DISP1: variants seen among roughly 807,000 people sequenced by gnomAD.
DISP1 encodes protein dispatched homolog 1.
In DISP1, 30 loss-of-function variants were observed where a neutral mutation model predicts 37.3. The ratio of observed to expected loss-of-function variants is 0.80; its 90% CI spans 0.60 to 1.09. The LOEUF (loss-of-function observed/expected upper bound fraction) is 1.09, where lower values mean the gene tolerates loss of function less well. Among genes scored for constraint, DISP1 ranks in the 50% least tolerant of loss-of-function variants. The pLI is 0.00. For synonymous variants in DISP1, 634 were observed against 690.2 expected (o/e 0.92, Z 1.28); for missense variants, 1,598 against 1,879.5 (o/e 0.85, Z 2.77).
intron 1 of DISP1, among the ~76,000 whole-genome samples, chr1:222,871,773 G>C (rs1426907103): frequency 4.6e-5 from 7 of 151,290 alleles, no homozygotes; most frequent in African/African-American, 1.5e-4. Context: ...ATTGAATGCC[G>C]TTTATTTCCT....
chr1:222,869,980 CT>C (rs1479436285), intron 1 of DISP1, among the ~76,000 whole-genome samples: 1 of 152,046 alleles, frequency 6.6e-6, no homozygotes, highest in Non-Finnish European at 1.5e-5. Context: ...TGATGTTCCC[CT>C]TCCTGTGTCC....
chr1:222,826,657 G>A lies in DISP1; in HGVS notation c.-159+11579G>A, dbSNP rs201775151. Among the ~76,000 whole-genome samples the A allele has an allele frequency of 2.0e-5, 3 of 152,024 alleles. No homozygotes were observed. In the East Asian group the frequency reaches 5.8e-4, roughly 29 times the overall value. On this transcript the variant is annotated intron_variant, in intron 1 of 8. Transcript: ENST00000675850. Reference sequence around the variant, plus strand: ...CCTGCCTCAGCCTCCCAAAGTCCTGGTATTTATAGACATGAGCCACCAGAC... The same window carrying A: ...CCTGCCTCAGCCTCCCAAAGTCCTGATATTTATAGACATGAGCCACCAGAC...
chr1:222,993,278 G>A (rs1678833834), intron 7 of DISP1, among the ~76,000 whole-genome samples: 1 of 152,186 alleles, frequency 6.6e-6, no homozygotes, highest in African/African-American at 2.4e-5. Flanking sequence ...AGCTGCCAGA[G>A]AAGAAGGAAG....
At chr1:222,861,755 A>C (rs531544124) in intron 1 of DISP1, among the ~76,000 whole-genome samples, 42 of 152,332 alleles carry the variant, frequency 2.8e-4, no homozygotes, top group Non-Finnish European at 4.7e-4. Flanking sequence ...TTAATAAAGC[A>C]AGTTATACTT....
chr1:222,882,387 G>A (rs1670331846), intron 1 of DISP1, among the ~76,000 whole-genome samples: 1 of 152,130 alleles, frequency 6.6e-6, no homozygotes, highest in Non-Finnish European at 1.5e-5. Flanking sequence ...GCACTACAAA[G>A]GAGTGGTTTC....
chr1:222,969,960 C>T (rs1443446937), intron 3 of DISP1, among the ~76,000 whole-genome samples: 1 of 151,292 alleles, frequency 6.6e-6, no homozygotes, highest in Non-Finnish European at 1.5e-5. Flanking sequence ...TTAGAATAGA[C>T]AAAACATTAA....
At chr1:222,939,773 G>A (rs1674241879) in intron 2 of DISP1, among the ~76,000 whole-genome samples, 1 of 150,896 alleles carries the variant, frequency 6.6e-6, no homozygotes, top group Non-Finnish European at 1.5e-5. Flanking sequence ...AGGTTGCAGT[G>A]AGTAAGCCAA....
chr1:222,979,614 T>TTC (rs1677683679), intron 3 of DISP1: 2 of 471,008 alleles, frequency 4.2e-6, no homozygotes. Context: ...GTTTTTGGTC[T>TTC]TTTGTAGATT....
intron 1 of DISP1, among the ~76,000 whole-genome samples, chr1:222,839,022 A>G (rs1264047247): frequency 6.6e-6 from 1 of 152,176 alleles, no homozygotes; most frequent in South Asian, 2.1e-4. Context: ...CTCTGTGTGC[A>G]TGGGTTTCAC....
intron 4 of DISP1, among the ~76,000 whole-genome samples, chr1:222,988,623 T>G (rs1262872121): frequency 6.6e-6 from 1 of 151,670 alleles, no homozygotes; most frequent in Admixed American, 6.6e-5. Flanking sequence ...CTTTCTTTCT[T>G]TTTTCTTCCT....
chr1:222,875,461 A>T (rs1390230421), intron 1 of DISP1, among the ~76,000 whole-genome samples: 3 of 151,644 alleles, frequency 2.0e-5, no homozygotes, highest in Non-Finnish European at 4.4e-5. Flanking sequence ...CCCCCCTTTT[A>T]TATGTAGGGA....
chr1:222,910,369 A>G (rs1672143823), intron 1 of DISP1, among the ~76,000 whole-genome samples: 1 of 152,178 alleles, frequency 6.6e-6, no homozygotes, highest in Non-Finnish European at 1.5e-5. Context: ...TCTCCAAAAA[A>G]CAAACAAACG....
intron 1 of DISP1, among the ~76,000 whole-genome samples, chr1:222,906,408 G>T (rs1671890708): frequency 6.6e-6 from 1 of 152,166 alleles, no homozygotes; most frequent in Non-Finnish European, 1.5e-5. Context: ...TCTTAAATAG[G>T]GGCTGGGTAA....
rs140037475 is a variant in DISP1, at chr1:223,005,022, A to G, written c.3625A>G (p.Thr1209Ala). 1,109 of 1,614,130 alleles carry G rather than the reference A, an allele frequency of 6.9e-4. No homozygotes were observed. The highest frequency in any genetic ancestry group is 2.0e-3 in the Middle Eastern group (12 of 6,062). Residue 1209 changes from threonine (T) to alanine (A), a missense_variant, in exon 9 of 9, where the codon ACT becomes GCT. Thr to Ala is a moderately conservative substitution (Grantham distance 58, BLOSUM62 0). Transcript: ENST00000675850. ...SHSCTAPEKT[T>A]YEETHICSEF... is the part of the protein sequence containing the mutation. Reference sequence around the variant, plus strand: ...CAGCTGCACTGCCCCTGAGAAGACCACTTATGAAGAGACCCACATCTGCTC... The same window carrying G: ...CAGCTGCACTGCCCCTGAGAAGACCGCTTATGAAGAGACCCACATCTGCTC...
In DISP1 at chr1:223,004,754, T is replaced by C. The variant is rs761636131; in HGVS notation, c.3357T>C (p.Ser1119=). The part of the protein sequence containing the change: ...GTFMMLIMCI[S]WAFATFFFQC... ...TCATGATGCTCATCATGTGTATCAG[T>C]TGGGCTTTCGCCACCTTCTTTTTCC... The change falls in exon 9 of 9, where the codon AGT becomes AGC. Residue 1119 remains serine (S), a synonymous_variant. Transcript: ENST00000675850. The surrounding 1 kb of genome is among the most constrained non-coding windows in gnomAD (Gnocchi z 4.9). 2.5e-6 allele frequency: 4 copies of C among 1,613,732 alleles called. No individual in the cohort carries two copies. Among genetic ancestry groups the C allele is most frequent in the African/African-American group, 1.3e-5 (1 of 75,052 alleles).
chr1:222,971,351 G>A lies in DISP1; in HGVS notation c.510-11729G>A, dbSNP rs780266046. Among the ~76,000 whole-genome samples the A allele has an allele frequency of 2.0e-4, 30 of 151,808 alleles. No homozygotes were observed. The Middle Eastern group carries it at 0.01, about 52-fold the overall frequency. ...ACAGCTGCAAGGTATTGGTTACACC[G>A]TTGGAGTTCATTTTGATACAGTGGA... On this transcript the variant is annotated intron_variant, in intron 3 of 8. Coordinates refer to ENST00000675850, the MANE Select transcript of DISP1 (RefSeq NM_001377229.1).
At chr1:222,863,866 T>C (rs1669020451) in intron 1 of DISP1, among the ~76,000 whole-genome samples, 1 of 152,192 alleles carries the variant, frequency 6.6e-6, no homozygotes, top group Non-Finnish European at 1.5e-5. Context: ...AGAATTTTTA[T>C]CTTTTTTGGT....
At chr1:222,859,011 A>G (rs964396188) in intron 1 of DISP1, among the ~76,000 whole-genome samples, 4 of 152,208 alleles carry the variant, frequency 2.6e-5, no homozygotes, top group South Asian at 2.1e-4. Context: ...AAATCATTCT[A>G]TTACAAAGTT....
chr1:222,825,726 C>G (rs762131682), intron 1 of DISP1, among the ~76,000 whole-genome samples: 4 of 152,110 alleles, frequency 2.6e-5, no homozygotes, highest in Non-Finnish European at 5.9e-5. Context: ...TGGTCTCGAA[C>G]TCCTGGCCTC....
Sources: allele counts gnomAD v4.1 joint callset (sites outside exome capture counted in the v4.1 genomes callset), GRCh38; gene constraint gnomAD v4.1.1; non-coding constraint Gnocchi (gnomAD v3.1); transcripts MANE v1.5; gene names NCBI Gene and HGNC (gene_info 2026-07-23, HGNC 2026-07-21).